TAS2R1: variants seen among roughly 807,000 people sequenced by gnomAD.
TAS2R1 encodes taste receptor type 2 member 1.
For missense variants in TAS2R1, 370 were observed against 353.4 expected (o/e 1.05, Z -0.38); for synonymous variants, 141 against 134.2 (o/e 1.05, Z -0.35).
the TAS2R1 span, among the ~76,000 whole-genome samples, chr5:9,840,857 A>ATTTTTTTTTTTTTTTTTT: frequency 3.0e-5 from 4 of 132,088 alleles, no homozygotes; most frequent in African/African-American, 1.1e-4. Context: ...TTATTTATTT[A>ATTTTTTTTTTTTTTTTTT]TTTTTTTTTT....
At chr5:9,632,798 G>A (rs1456627535), upstream of TAS2R1, among the ~76,000 whole-genome samples, 2 of 151,738 alleles carry the variant, frequency 1.3e-5, no homozygotes, top group East Asian at 3.9e-4. Flanking sequence ...CCACATCTCC[G>A]GCTATTTCCT....
chr5:9,724,997 T>G, the TAS2R1 span, among the ~76,000 whole-genome samples: 1 of 152,256 alleles, frequency 6.6e-6, no homozygotes, highest in Non-Finnish European at 1.5e-5. Flanking sequence ...ATTGGTGCTG[T>G]GCTTCTGTGA....
intron 1 of TAS2R1, among the ~76,000 whole-genome samples, chr5:9,666,872 A>G (rs531036495): frequency 1.3e-5 from 2 of 152,330 alleles, no homozygotes; most frequent in African/African-American, 4.8e-5. Context: ...ATAAAATGAT[A>G]TGTGGTTTAA....
the TAS2R1 span, among the ~76,000 whole-genome samples, chr5:9,770,200 G>A: frequency 6.6e-6 from 1 of 152,044 alleles, no homozygotes; most frequent in South Asian, 2.1e-4. Flanking sequence ...TGGCACCTTT[G>A]TCCAAAACGA....
the TAS2R1 span, among the ~76,000 whole-genome samples, chr5:9,718,302 G>GA: frequency 6.6e-6 from 1 of 151,988 alleles, no homozygotes; most frequent in Non-Finnish European, 1.5e-5. Flanking sequence ...CAAAATGGAA[G>GA]AAAAATTTGC....
At chr5:9,681,675 G>A (rs772604136) in intron 1 of TAS2R1, among the ~76,000 whole-genome samples, 26 of 151,940 alleles carry the variant, frequency 1.7e-4, no homozygotes, top group Non-Finnish European at 3.4e-4. Context: ...CCTTAGACAA[G>A]TCTTCTGTCA....
the TAS2R1 span, among the ~76,000 whole-genome samples, chr5:9,799,590 T>C: frequency 1.3e-5 from 2 of 152,214 alleles, no homozygotes; most frequent in Non-Finnish European, 2.9e-5. Flanking sequence ...TTTCCCACCA[T>C]ACCGTTTCAC....
chr5:9,801,260 G>A, the TAS2R1 span, among the ~76,000 whole-genome samples: 1 of 152,336 alleles, frequency 6.6e-6, no homozygotes, highest in South Asian at 2.1e-4. Flanking sequence ...CAGGAAGAGG[G>A]CCATTACCAG....
chr5:9,668,636 C>G (rs1336103999), intron 1 of TAS2R1, among the ~76,000 whole-genome samples: 2 of 152,022 alleles, frequency 1.3e-5, no homozygotes, highest in African/African-American at 2.4e-5. Context: ...TAATTTCAAC[C>G]AAGAATTTTA....
the TAS2R1 span, among the ~76,000 whole-genome samples, chr5:9,885,947 G>A: frequency 9.9e-5 from 15 of 151,936 alleles, no homozygotes; most frequent in Non-Finnish European, 2.1e-4. Context: ...TCAAAGAAAT[G>A]GTTTTTCATA....
chr5:9,827,440 TA>T, the TAS2R1 span, among the ~76,000 whole-genome samples: 1 of 152,144 alleles, frequency 6.6e-6, no homozygotes, highest in East Asian at 1.9e-4. Flanking sequence ...AACAATCTTT[TA>T]AAACATAAAT....
chr5:9,654,696 A>G (rs1166220638), intron 2 of TAS2R1, among the ~76,000 whole-genome samples: 1 of 152,222 alleles, frequency 6.6e-6, no homozygotes, highest in Non-Finnish European at 1.5e-5. Context: ...CACTAGAGAA[A>G]GATAAAGTTA....
At chr5:9,668,264 T>G (rs1308154859) in intron 1 of TAS2R1, among the ~76,000 whole-genome samples, 1 of 152,202 alleles carries the variant, frequency 6.6e-6, no homozygotes, top group African/African-American at 2.4e-5. Context: ...TATGGGACTA[T>G]GTAGAGACCA....
At chr5:9,674,936 T>C (rs888894327) in intron 1 of TAS2R1, among the ~76,000 whole-genome samples, 1 of 152,012 alleles carries the variant, frequency 6.6e-6, no homozygotes, top group African/African-American at 2.4e-5. Context: ...CATTCTTGTG[T>C]ATGTAAAAAA....
chr5:9,752,347 G>C, the TAS2R1 span, among the ~76,000 whole-genome samples: 2 of 152,148 alleles, frequency 1.3e-5, no homozygotes, highest in African/African-American at 4.8e-5. Flanking sequence ...CTGTACTCCA[G>C]GGTCCATGTA....
At chr5:9,765,346 T>C in the TAS2R1 span, 4 of 152,178 alleles carry the variant, frequency 2.6e-5, no homozygotes, top group African/African-American at 7.2e-5. Context: ...GATAATAACA[T>C]ATGCCCCCTG....
chr5:9,871,313 T>C, the TAS2R1 span, among the ~76,000 whole-genome samples: 1 of 152,232 alleles, frequency 6.6e-6, no homozygotes, highest in African/African-American at 2.4e-5. Context: ...CTATGTCCTT[T>C]CCAAGCTTGG....
At chr5:9,680,343 A>G (rs1740968843) in intron 1 of TAS2R1, among the ~76,000 whole-genome samples, 1 of 152,172 alleles carries the variant, frequency 6.6e-6, no homozygotes, top group South Asian at 2.1e-4. Context: ...TTCTTTCCTC[A>G]AGAAGGGGGA....
At chr5:9,675,094 C>T (rs1280385893) in intron 1 of TAS2R1, among the ~76,000 whole-genome samples, 1 of 142,238 alleles carries the variant, frequency 7.0e-6, no homozygotes, top group Non-Finnish European at 1.5e-5. Flanking sequence ...AATAACACCC[C>T]AAAATGAAAT....
Sources: gnomAD v4.1 joint callset for allele counts (sites outside exome capture counted in the v4.1 genomes callset) on GRCh38, gnomAD v4.1.1 for gene constraint, MANE v1.5 for transcripts, NCBI Gene and HGNC (gene_info 2026-07-23, HGNC 2026-07-21) for gene names.